ARSK: variants seen among roughly 807,000 people sequenced by gnomAD.
ARSK encodes the protein arylsulfatase family member K.
Under a neutral mutation model 53.2 loss-of-function variants are expected in ARSK, and 37 were observed. The ratio of observed to expected loss-of-function variants is 0.70; its 90% CI spans 0.54 to 0.92. ARSK has a LOEUF of 0.92. ARSK is among the 40% of genes least tolerant of loss of function. ARSK has a pLI of 0.00. For synonymous variants in ARSK, 208 were observed against 223.2 expected (o/e 0.93, Z 0.61); for missense variants, 613 against 643.0 (o/e 0.95, Z 0.51).
intron 3 of ARSK, among the ~76,000 whole-genome samples, chr5:95,568,779 T>C (rs1272174575): frequency 2.0e-5 from 3 of 152,166 alleles, no homozygotes; most frequent in Non-Finnish European, 4.4e-5. Flanking sequence ...AGTGGCCTAT[T>C]GTGTGCCTGG....
In ARSK at chr5:95,599,050, C is replaced by T. The variant is rs116623934; in HGVS notation, c.1097-1797C>T. 1.9e-3 allele frequency among the ~76,000 whole-genome samples: 288 copies of T among 152,342 alleles called. 1 individual carries two copies. The highest frequency in any genetic ancestry group is 6.4e-3 in the African/African-American group (267 of 41,586). On this transcript the variant is annotated intron_variant, in intron 6 of 7. Transcript: ENST00000380009. ...TCTTCTTCATTGCACTTACCACCAT[C>T]TGACACAGCTGTTTCTGTCTGCCCA...
chr5:95,579,451 A>G (rs1748985115), intron 3 of ARSK, among the ~76,000 whole-genome samples: 1 of 152,128 alleles, frequency 6.6e-6, no homozygotes, highest in Admixed American at 6.6e-5. Context: ...GCTTTTAAAA[A>G]CCATCGGATC....
chr5:95,582,947 G>A lies in ARSK; in HGVS notation c.448G>A (p.Ala150Thr). 1 of 1,610,892 alleles carries A rather than the reference G, an allele frequency of 6.2e-7. No homozygotes were observed. Residue 150 changes from alanine to threonine, a missense_variant, in exon 4 of 8, where the codon GCT becomes ACT. Physicochemically the swap from Ala to Thr is moderately conservative, Grantham distance 58 (BLOSUM62 0). Transcript: ENST00000380009. ...NRVEAWTRDV[A>T]FLLRQEGRPM... The stretch of plus-strand genomic sequence containing the variant: ...TGTGGAAGCGTGGACAAGAGATGTT[G>A]CTTTCTTACTCAGACAAGAAGGCAG...
At chr5:95,591,355 A>C (rs1278498938) in intron 5 of ARSK, 46 bp from the exon 6 acceptor site, 1 of 1,488,872 alleles carries the variant, frequency 6.7e-7, no homozygotes, top group South Asian at 1.1e-5. Context: ...ATAGAATAAA[A>C]CATGAACTGA....
intron 3 of ARSK, among the ~76,000 whole-genome samples, chr5:95,573,174 ATTGT>A (rs1727927940): frequency 6.6e-6 from 1 of 152,208 alleles, no homozygotes; most frequent in Non-Finnish European, 1.5e-5. Context: ...CATTTTAAAT[ATTGT>A]TTATTCTTTC....
At chr5:95,568,497 A>C (rs1048202095) in intron 3 of ARSK, among the ~76,000 whole-genome samples, 68 of 152,246 alleles carry the variant, frequency 4.5e-4, no homozygotes, top group African/African-American at 1.5e-3. Context: ...TTAAGAGTAG[A>C]GGTCAAGAAT....
chr5:95,587,049 CAT>C (rs1245447040), intron 5 of ARSK, among the ~76,000 whole-genome samples: 1 of 152,126 alleles, frequency 6.6e-6, no homozygotes, highest in East Asian at 1.9e-4. Context: ...CACAGGTACA[CAT>C]GTGATTGGTA....
At chr5:95,598,759 A>T (rs762154628) in intron 6 of ARSK, among the ~76,000 whole-genome samples, 1 of 152,076 alleles carries the variant, frequency 6.6e-6, no homozygotes, top group Non-Finnish European at 1.5e-5. Context: ...TTATAATTTT[A>T]TCCCTCACTT....
intron 3 of ARSK, among the ~76,000 whole-genome samples, chr5:95,574,684 C>T (rs192990316): frequency 1.7e-4 from 25 of 148,272 alleles, no homozygotes; most frequent in South Asian, 2.1e-4. Flanking sequence ...TTATTTAATC[C>T]GATTATTAGA....
intron 2 of ARSK, among the ~76,000 whole-genome samples, chr5:95,566,344 T>A (rs1229274694): frequency 6.6e-6 from 1 of 152,230 alleles, no homozygotes; most frequent in Non-Finnish European, 1.5e-5. Context: ...GAAAGGTGTC[T>A]AGTTCATGTG....
At chr5:95,576,882 T>A (rs1464627077) in intron 3 of ARSK, among the ~76,000 whole-genome samples, 1 of 152,196 alleles carries the variant, frequency 6.6e-6, no homozygotes, top group Non-Finnish European at 1.5e-5. Flanking sequence ...TACTGGATTA[T>A]TTTCTTTCTA....
chr5:95,572,739 C>G (rs1375671364), intron 3 of ARSK, among the ~76,000 whole-genome samples: 2 of 149,378 alleles, frequency 1.3e-5, no homozygotes, highest in Non-Finnish European at 2.9e-5. Flanking sequence ...GATTGCACCA[C>G]TGCAGTCCGG....
chr5:95,586,102 G>A (rs1157082935), intron 4 of ARSK, among the ~76,000 whole-genome samples: 1 of 152,054 alleles, frequency 6.6e-6, no homozygotes, highest in East Asian at 1.9e-4. Flanking sequence ...GCATTTATAT[G>A]TGTTAAAGAG....
intron 5 of ARSK, among the ~76,000 whole-genome samples, chr5:95,588,137 G>A (rs1749152604): frequency 6.6e-6 from 1 of 152,034 alleles, no homozygotes; most frequent in African/African-American, 2.4e-5. Context: ...GTTGCTGTAG[G>A]GAGTGTGGGA....
intron 3 of ARSK, among the ~76,000 whole-genome samples, chr5:95,571,499 T>C (rs1020178929): frequency 6.6e-6 from 1 of 152,264 alleles, no homozygotes; most frequent in Admixed American, 6.5e-5. Context: ...CACTTGTTCA[T>C]TAGTATTTTG....
At chr5:95,589,230 AT>A (rs1434564845) in intron 5 of ARSK, among the ~76,000 whole-genome samples, 9 of 152,190 alleles carry the variant, frequency 5.9e-5, no homozygotes, top group Non-Finnish European at 1.0e-4. Flanking sequence ...TCTGTTTACC[AT>A]CTGTTTCCCT....
rs755546994 is a variant in ARSK at position 95,566,130 on chromosome 5, A to G, written c.256+3A>G. On this transcript the variant is annotated splice_donor_region_variant and intron_variant, in intron 2 of 7. Transcript: ENST00000380009. Reference sequence around the variant, plus strand: ...AATTTGTTGCCCATCACGCGCAGGTATGAACATCCTTAATATGAATGGGAG... The same window carrying G: ...AATTTGTTGCCCATCACGCGCAGGTGTGAACATCCTTAATATGAATGGGAG... 10 of 1,612,928 alleles carry G rather than the reference A, an allele frequency of 6.2e-6. No homozygotes were observed. Among genetic ancestry groups the G allele is most frequent in the Non-Finnish European group, 7.6e-6 (9 of 1,179,662 alleles).
intron 1 of ARSK, among the ~76,000 whole-genome samples, chr5:95,562,692 CAA>C (rs1255633293): frequency 6.6e-6 from 1 of 152,096 alleles, no homozygotes; most frequent in African/African-American, 2.4e-5. Flanking sequence ...AATTAATTAA[CAA>C]GAGCAGAATG....
intron 1 of ARSK, among the ~76,000 whole-genome samples, chr5:95,559,721 A>G (rs1748594190): frequency 6.6e-6 from 1 of 152,236 alleles, no homozygotes; most frequent in African/African-American, 2.4e-5. Flanking sequence ...GCATCTACAA[A>G]AAAAGCCAGA....
Sources: allele counts gnomAD v4.1 joint callset (sites outside exome capture counted in the v4.1 genomes callset), GRCh38; gene constraint gnomAD v4.1.1; transcripts MANE v1.5; gene names NCBI Gene and HGNC (gene_info 2026-07-23, HGNC 2026-07-21).